Variants in INPP5A observed in about 807,000 individuals in gnomAD.
INPP5A encodes the protein inositol polyphosphate-5-phosphatase A.
Under a neutral mutation model 65.2 loss-of-function variants are expected in INPP5A, and 14 were observed. The ratio of observed to expected loss-of-function variants is 0.21; its 90% confidence interval spans 0.14 to 0.34. The LOEUF is 0.34. Among genes scored for constraint, INPP5A ranks in the 10% least tolerant of loss-of-function variants. The pLI is 1.00. For synonymous variants in INPP5A, 207 were observed against 208.3 expected (o/e 0.99, Z 0.05); for missense variants, 431 against 545.6 (o/e 0.79, Z 2.09).
chr10:132,547,634 A>G lies in INPP5A; in HGVS notation c.75+9463A>G, dbSNP rs117792334. ...CTCTACCCAAGCGCCCGTGGCCTGAACAGGACTTGGTTTTTCAGGCCTTCA... is the reference window on the plus strand; with the variant it reads ...CTCTACCCAAGCGCCCGTGGCCTGAGCAGGACTTGGTTTTTCAGGCCTTCA... On this transcript the variant is annotated intron_variant, in intron 1 of 15. Coordinates refer to ENST00000368594, the MANE Select transcript of INPP5A (RefSeq NM_005539.5). This position sits in a 1 kb window ranked among gnomAD's most constrained non-coding sequence, Gnocchi z 5.5. Among the ~76,000 whole-genome samples the G allele has an allele frequency of 0.015, 2,289 of 152,154 alleles. 33 individuals are homozygous for G. Among genetic ancestry groups the G allele is most frequent in the South Asian group, 0.039 (186 of 4,822 alleles).
At chr10:132,691,442 G>T (rs555316737) in intron 5 of INPP5A, among the ~76,000 whole-genome samples, 1 of 152,234 alleles carries the variant, frequency 6.6e-6, no homozygotes, top group Admixed American at 6.5e-5. Flanking sequence ...AGCGGCCGGC[G>T]AGAGTGGAGA....
At chr10:132,552,122 G>T (rs1303121448) in intron 1 of INPP5A, among the ~76,000 whole-genome samples, 4 of 152,194 alleles carry the variant, frequency 2.6e-5, no homozygotes, top group African/African-American at 9.6e-5. Flanking sequence ...AGGGAGGATT[G>T]GTGGCGCCTT....
chr10:132,629,711 G>T (rs757643987), intron 2 of INPP5A, among the ~76,000 whole-genome samples: 1 of 152,238 alleles, frequency 6.6e-6, no homozygotes, highest in Non-Finnish European at 1.5e-5. Flanking sequence ...GCATCCATGA[G>T]GGGTGGGTAT....
rs1026923619 is a variant in INPP5A at position 132,707,333 on chromosome 10, C to A, written c.475-980C>A. Among the ~76,000 whole-genome samples the A allele has an allele frequency of 1.4e-5, 2 of 147,512 alleles. No individual in the cohort carries two copies. The highest frequency in any genetic ancestry group is 2.4e-4 in the East Asian group (1 of 4,236). On this transcript the variant is annotated intron_variant, in intron 6 of 15. Coordinates refer to ENST00000368594, the MANE Select transcript of INPP5A (RefSeq NM_005539.5). The surrounding 1 kb of genome is among the most constrained non-coding windows in gnomAD (Gnocchi z 5.5). ...GTGCCCTGCCCTGTTGGCTGCCGTT[C>A]CCCCGCCACTGCCTGAAGCGCTTTG...
At chr10:132,734,369 T>G (rs1251395293) in intron 9 of INPP5A, among the ~76,000 whole-genome samples, 5 of 152,158 alleles carry the variant, frequency 3.3e-5, no homozygotes, top group African/African-American at 1.2e-4. Flanking sequence ...TCGTACAGCT[T>G]TCATTTTTCG....
At chr10:132,611,662 G>A (rs2071953453) in intron 2 of INPP5A, among the ~76,000 whole-genome samples, 1 of 136,756 alleles carries the variant, frequency 7.3e-6, no homozygotes, top group African/African-American at 2.8e-5. Context: ...GGGCAGGGGA[G>A]AGGCCCTGTC....
rs1019412388 is a variant in INPP5A at position 132,644,846 on chromosome 10, C to T, written c.118-1022C>T. 6.6e-6 allele frequency among the ~76,000 whole-genome samples: 1 copy of T among 152,202 alleles called. No individual in the cohort carries two copies. The highest frequency in any genetic ancestry group is 1.5e-5 in the Non-Finnish European group (1 of 68,032). On this transcript the variant is annotated intron_variant, in intron 2 of 15. Coordinates refer to ENST00000368594, the MANE Select transcript of INPP5A (RefSeq NM_005539.5). The surrounding 1 kb of genome is among the most constrained non-coding windows in gnomAD (Gnocchi z 6.5). ...GGCTCCCCGACTGCCTCACATGTGT[C>T]CCACCCAGGGTTTCCTGCCAGGTGA...
At chr10:132,677,348 C>G (rs2072980245) in intron 4 of INPP5A, among the ~76,000 whole-genome samples, 1 of 152,246 alleles carries the variant, frequency 6.6e-6, no homozygotes, top group African/African-American at 2.4e-5. Flanking sequence ...GGGCTCTGGC[C>G]ATCTGGTCAC....
chr10:132,726,295 C>G (rs1845982832), intron 8 of INPP5A, among the ~76,000 whole-genome samples: 1 of 152,234 alleles, frequency 6.6e-6, no homozygotes, highest in African/African-American at 2.4e-5. Context: ...AGGGGACATC[C>G]CTGTCTGGGA....
intron 14 of INPP5A, 36 bp from the exon 15 acceptor site, chr10:132,781,825 G>A (rs373754657): frequency 6.6e-5 from 103 of 1,564,880 alleles, no homozygotes; most frequent in Admixed American, 1.7e-5. Context: ...TGTCCCGCGT[G>A]CGCCGTGCTG....
At chr10:132,544,774 C>A (rs1458822026) in intron 1 of INPP5A, among the ~76,000 whole-genome samples, 1 of 152,204 alleles carries the variant, frequency 6.6e-6, no homozygotes. Flanking sequence ...TGGGACGCAG[C>A]AGGCTGTGCT....
intron 8 of INPP5A, among the ~76,000 whole-genome samples, chr10:132,723,509 GCCA>G: frequency 6.7e-6 from 1 of 148,704 alleles, no homozygotes; most frequent in African/African-American, 2.5e-5. Context: ...GTGGGGATTG[GCCA>G]TGTGGGGATT....
At chr10:132,647,038 A>G (rs2072505400) in intron 3 of INPP5A, among the ~76,000 whole-genome samples, 1 of 152,092 alleles carries the variant, frequency 6.6e-6, no homozygotes, top group Non-Finnish European at 1.5e-5. Flanking sequence ...CCTCGAGCAG[A>G]GCAAAGTGGT....
rs1447536123 is a variant in INPP5A, at chr10:132,727,797, G to A, written c.732+892G>A. 2.0e-5 allele frequency among the ~76,000 whole-genome samples: 3 copies of A among 152,146 alleles called. No homozygotes were observed. The highest frequency in any genetic ancestry group is 7.2e-5 in the African/African-American group (3 of 41,408). Reference sequence around the variant, plus strand: ...CCACGGTGAGTCAGATGGGGACACGGTAAGTCGGATGGGGACACGGTGAGT... The same window carrying A: ...CCACGGTGAGTCAGATGGGGACACGATAAGTCGGATGGGGACACGGTGAGT... On this transcript the variant is annotated intron_variant, in intron 9 of 15. Coordinates refer to ENST00000368594, the MANE Select transcript of INPP5A (RefSeq NM_005539.5). This position sits in a 1 kb window ranked among gnomAD's most constrained non-coding sequence, Gnocchi z 6.5.
In INPP5A at chr10:132,749,756, ACT is replaced by A. The variant is rs751163648; in HGVS notation, c.829-12_829-11del. 1 of 1,612,494 alleles carries A rather than the reference ACT, an allele frequency of 6.2e-7. No homozygotes were observed. The highest frequency in any genetic ancestry group is 1.7e-4 in the Middle Eastern group (1 of 6,058). On this transcript the variant is annotated splice_polypyrimidine_tract_variant and intron_variant, in intron 10 of 15. Transcript: ENST00000368594. ...GGGGGAGCTCAGGTGCTCATGGGCCACTCTGACTTCACAGGTTATGCTCCAGT... is the reference window on the plus strand; with the variant it reads ...GGGGGAGCTCAGGTGCTCATGGGCCACTGACTTCACAGGTTATGCTCCAGT...
intron 8 of INPP5A, among the ~76,000 whole-genome samples, chr10:132,721,080 G>A (rs1845866906): frequency 6.6e-6 from 1 of 151,202 alleles, no homozygotes. Flanking sequence ...AGGGTTCTGT[G>A]GTACCTGGGT....
At chr10:132,717,525 C>T (rs1301461236) in intron 8 of INPP5A, among the ~76,000 whole-genome samples, 2 of 151,516 alleles carry the variant, frequency 1.3e-5, no homozygotes, top group Admixed American at 6.5e-5. Context: ...GAGCCTTAGA[C>T]GACTGTCTTC....
At chr10:132,636,913 T>G (rs903489497) in intron 2 of INPP5A, among the ~76,000 whole-genome samples, 2 of 152,128 alleles carry the variant, frequency 1.3e-5, no homozygotes, top group Non-Finnish European at 2.9e-5. Context: ...TACATTTTAT[T>G]TTTATTTTTA....
chr10:132,646,006 C>G, intron 3 of INPP5A, 38 bp downstream of exon 3: 1 of 1,456,650 alleles, frequency 6.9e-7, no homozygotes. Context: ...TGTCCACTTC[C>G]CAGGGGTGTG....
Sources: gnomAD v4.1 joint callset for allele counts (sites outside exome capture counted in the v4.1 genomes callset) on GRCh38, gnomAD v4.1.1 for gene constraint, Gnocchi (gnomAD v3.1) non-coding constraint, MANE v1.5 for transcripts, NCBI Gene and HGNC (gene_info 2026-07-23, HGNC 2026-07-21) for gene names.